The following LATS2 variants were observed in gnomAD, a reference collection of about 807,000 sequenced individuals.
The protein encoded by LATS2 is large tumor suppressor kinase 2.
A neutral mutation model predicts 76.0 loss-of-function variants in LATS2; 24 were observed. The ratio of observed to expected loss-of-function variants is 0.32; its 90% CI spans 0.23 to 0.44. LATS2 has a LOEUF of 0.44. Among genes scored for constraint, LATS2 ranks in the 20% least tolerant of loss-of-function variants. LATS2 has a pLI of 1.00. For missense variants in LATS2, 1,286 were observed against 1,481.2 expected, an observed-to-expected ratio of 0.87 and a Z score of 2.16; for synonymous variants, 692 against 635.4, an observed-to-expected ratio of 1.09 and a Z score of -1.34.
chr13:20,992,223 T>C (rs1283720792), intron 2 of LATS2, among the ~76,000 whole-genome samples: 1 of 151,930 alleles, frequency 6.6e-6, no homozygotes, highest in Non-Finnish European at 1.5e-5. Context: ...TGGGGAAAGA[T>C]GGGCCCATGG....
chr13:21,039,257 CTTA>C (rs1448738113), intron 2 of LATS2, among the ~76,000 whole-genome samples: 3 of 152,172 alleles, frequency 2.0e-5, no homozygotes, highest in Admixed American at 1.3e-4. Context: ...TCCTTCTCCT[CTTA>C]TTAATATTTC....
At chr13:21,006,425 G>T (rs1336251598) in intron 2 of LATS2, among the ~76,000 whole-genome samples, 1 of 152,162 alleles carries the variant, frequency 6.6e-6, no homozygotes, top group Non-Finnish European at 1.5e-5. Flanking sequence ...ACTCGTTGTG[G>T]CACCTAAGTT....
chr13:20,994,461 G>A (rs148126167), intron 2 of LATS2, among the ~76,000 whole-genome samples: 67 of 152,338 alleles, frequency 4.4e-4, no homozygotes, highest in African/African-American at 1.5e-3. Context: ...CAAAGTACAT[G>A]CAGAGTCACA....
Position 20,989,280 on chromosome 13 carries a change from A to C in LATS2, c.500T>G (p.Val167Gly). Residue 167 changes from valine (V) to glycine (G), a missense_variant, in exon 4 of 8, where the codon GTG (valine) becomes GGG (glycine). This residue lies in a region of LATS2 where 710 missense variants were observed against 660.9 expected (regional missense o/e 1.07). Coordinates refer to ENST00000382592, the MANE Select transcript of LATS2 (RefSeq NM_014572.3). The part of the protein sequence containing the change: ...SPGKGLMPTP[V>G]TRRPSFEGTG... The stretch of plus-strand genomic sequence containing the variant: ...TCCTTCGAAGCTGGGCCTCCGCGTC[A>C]CTGGGGTTGGCATGAGCCCCTTTCC... 3 of 1,613,952 alleles carry C rather than the reference A, an allele frequency of 1.9e-6. No homozygotes were observed. Among genetic ancestry groups the C allele is most frequent in the Non-Finnish European group, 2.5e-6 (3 of 1,180,030 alleles).
intron 2 of LATS2, among the ~76,000 whole-genome samples, chr13:21,028,301 T>C (rs901774907): frequency 1.3e-5 from 2 of 152,214 alleles, no homozygotes; most frequent in African/African-American, 2.4e-5. Context: ...GGTGTATATG[T>C]GCCACATTTT....
intron 6 of LATS2, among the ~76,000 whole-genome samples, chr13:20,980,235 G>A (rs1869809634): frequency 6.6e-6 from 1 of 152,124 alleles, no homozygotes; most frequent in Admixed American, 6.5e-5. Flanking sequence ...CGGAGATGAG[G>A]AGGAGGTGGG....
chr13:21,040,474 G>C (rs1383086552), intron 2 of LATS2, among the ~76,000 whole-genome samples: 1 of 152,200 alleles, frequency 6.6e-6, no homozygotes, highest in Non-Finnish European at 1.5e-5. Flanking sequence ...GAACCAGGAA[G>C]AGCCTGTGTA....
intron 7 of LATS2, among the ~76,000 whole-genome samples, chr13:20,977,366 ACAGAG>A (rs1384496810): frequency 3.3e-5 from 5 of 150,948 alleles, no homozygotes; most frequent in Non-Finnish European, 5.9e-5. Flanking sequence ...AGCCTGGGAT[ACAGAG>A]CAAAACCCTG....
chr13:20,987,510 C>T lies in LATS2; in HGVS notation c.1899+371G>A, dbSNP rs78118588. Among the ~76,000 whole-genome samples the T allele has an allele frequency of 4.4e-3, 666 of 152,238 alleles. 6 individuals are homozygous for T. Among genetic ancestry groups the T allele is most frequent in the African/African-American group, 0.015 (642 of 41,524 alleles). On this transcript the variant is annotated intron_variant, in intron 4 of 7. Transcript: ENST00000382592. Reference sequence around the variant, plus strand: ...AATCCCACAATCTCAATTTACAAAACCTTAAACTTTGTTTCTACTCATTCA... The same window carrying T: ...AATCCCACAATCTCAATTTACAAAATCTTAAACTTTGTTTCTACTCATTCA...
Position 20,973,971 on chromosome 13 carries a change from T to TCCCCC in LATS2, c.*894_*898dup, listed in dbSNP as rs10659630. 1 of 182,506 alleles carries TCCCCC rather than the reference T, an allele frequency of 5.5e-6. No individual in the cohort carries two copies. The highest frequency in any genetic ancestry group is 2.7e-5 in the African/African-American group (1 of 37,298). 11.3% of individuals were successfully genotyped at this position (182,506 alleles called of 1,614,324 possible). Reference sequence around the variant, plus strand: ...TTCAGTATATGACAAATGTTTCAGTTCCCCCCCCCCAAAGAATCCAATCAC... The same window carrying TCCCCC: ...TTCAGTATATGACAAATGTTTCAGTTCCCCCCCCCCCCCCCAAAGAATCCAATCAC... On this transcript the variant is annotated 3_prime_UTR_variant, in exon 8 of 8. Transcript: ENST00000382592.
Position 20,988,083 on chromosome 13 carries a change from C to T in LATS2, c.1697G>A (p.Gly566Asp). The T allele has an allele frequency of 6.2e-7, 1 of 1,614,284 alleles. No homozygotes were observed. Among genetic ancestry groups the T allele is most frequent in the Non-Finnish European group, 8.5e-7 (1 of 1,180,056 alleles). ...CTGAATCTGCTTTTTATCCTTTCCG[C>T]CTTTGTCCCCCTTGGCGCTTTTGCG... ...KSRKSAKGDK[G>D]GKDKKQIQTS... Residue 566 changes from glycine to aspartate, a missense_variant, in exon 4 of 8, where the codon GGC (glycine) becomes GAC (aspartate). By Grantham distance (94) the Gly-to-Asp change is moderately conservative. Around this residue, in one of 5 missense-constraint regions of LATS2, gnomAD observed 710 missense variants for 660.9 expected, o/e 1.07. Coordinates refer to ENST00000382592, the MANE Select transcript of LATS2 (RefSeq NM_014572.3).
At chr13:21,058,941 G>GAA (rs61016650) in intron 1 of LATS2, among the ~76,000 whole-genome samples, 13 of 136,704 alleles carry the variant, frequency 9.5e-5, no homozygotes, top group African/African-American at 2.9e-4. Flanking sequence ...GGTTGTTACA[G>GAA]AAAAAAAAAA....
rs758639228 is a variant in LATS2, at chr13:20,988,498, C to T, written c.1282G>A (p.Ala428Thr). 21 of 1,041,500 alleles carry T rather than the reference C, an allele frequency of 2.0e-5. No individual in the cohort carries two copies. Among genetic ancestry groups the T allele is most frequent in the Non-Finnish European group, 2.5e-5 (18 of 724,344 alleles). The allele number at this position is 1,041,500 out of a possible 1,614,324, so 64.5% of individuals were successfully genotyped here. A position where few individuals can be genotyped will look rare whatever the true frequency, so the allele number is the denominator to read the frequency against. The change falls in exon 4 of 8, where the codon GCC becomes ACC. Residue 428 changes from alanine to threonine, a missense_variant. This residue lies in a region of LATS2 where 710 missense variants were observed against 660.9 expected (regional missense o/e 1.07). Coordinates refer to ENST00000382592, the MANE Select transcript of LATS2 (RefSeq NM_014572.3). ...GTGACAGCCGTCACGGTGTTGGGGG[C>T]GGGCAGGGAGGGCTCGGCCTTGCCA... ...PPGKAEPSLPAPNTVTAVTAA... is the reference protein window; with the variant it reads ...PPGKAEPSLPTPNTVTAVTAA...
intron 2 of LATS2, among the ~76,000 whole-genome samples, chr13:20,998,240 GCTT>G (rs1870847774): frequency 6.6e-6 from 1 of 152,140 alleles, no homozygotes; most frequent in Non-Finnish European, 1.5e-5. Flanking sequence ...TGTAGTTCCA[GCTT>G]CATGGGAGGC....
intron 1 of LATS2, among the ~76,000 whole-genome samples, chr13:21,051,267 G>A (rs115726107): frequency 0.012 from 1,881 of 152,318 alleles, 32 homozygotes; most frequent in African/African-American, 0.043. Context: ...CTGTTACTTG[G>A]TCCTGAGGAT....
Position 21,016,961 on chromosome 13 carries a change from A to G in LATS2, c.343-25557T>C, listed in dbSNP as rs575903288. The stretch of plus-strand genomic sequence containing the variant: ...TGGCCATGCATCTGTTCTCAGACAT[A>G]AGAGGGATTACAGCATCAAATCACT... On this transcript the variant is annotated intron_variant, in intron 2 of 7. Transcript: ENST00000382592. Among the ~76,000 whole-genome samples, 3 of 152,344 alleles carry G rather than the reference A, an allele frequency of 2.0e-5. No homozygotes were observed. The East Asian group carries it at 5.8e-4, about 29-fold the overall frequency.
intron 2 of LATS2, among the ~76,000 whole-genome samples, chr13:21,012,814 G>C (rs117898758): frequency 0.015 from 2,316 of 152,090 alleles, 42 homozygotes; most frequent in Non-Finnish European, 0.022. Flanking sequence ...GGAAATAAGG[G>C]TTCCTAACCA....
At chr13:21,042,559 C>T (rs768439789) in intron 2 of LATS2, among the ~76,000 whole-genome samples, 22 of 152,068 alleles carry the variant, frequency 1.4e-4, no homozygotes, top group Middle Eastern at 3.4e-3. Context: ...CGTGGTGGCA[C>T]GCCTGTAGTC....
At position 20,983,359 on chromosome 13, in the gene LATS2, G is replaced by T. The variant is rs1358116577; in HGVS notation, c.2347C>A (p.His783Asn). The change falls in exon 5 of 8, where the codon CAC becomes AAC. Residue 783 changes from histidine (H) to asparagine (N), a missense_variant. Physicochemically the swap from His to Asn is moderately conservative, Grantham distance 68 (BLOSUM62 1). Transcript: ENST00000382592. ...AELTLAIESV[H>N]KMGFIHRDIK... Reference sequence around the variant, plus strand: ...TCTCGGTGGATGAAGCCCATCTTGTGGACACTCTCAATGGCCAAAGTCAGC... The same window carrying T: ...TCTCGGTGGATGAAGCCCATCTTGTTGACACTCTCAATGGCCAAAGTCAGC... 6.2e-7 allele frequency: 1 copy of T among 1,610,644 alleles called. No individual in the cohort carries two copies. The highest frequency in any genetic ancestry group is 1.4e-5 in the African/African-American group (1 of 73,852).
Sources: gnomAD v4.1 joint callset for allele counts (sites outside exome capture counted in the v4.1 genomes callset) on GRCh38, gnomAD v4.1.1 for gene constraint, gnomAD v4.1.1 regional missense constraint, MANE v1.5 for transcripts, NCBI Gene and HGNC (gene_info 2026-07-23, HGNC 2026-07-21) for gene names.